The following CSMD1 variants were observed in gnomAD, a reference collection of about 807,000 sequenced individuals.
CSMD1 encodes CUB and Sushi multiple domains 1.
CSMD1 carries 213 observed loss-of-function variants against 417.5 expected under a neutral mutation model. The observed-to-expected ratio is 0.51, with a 90% CI of 0.46 to 0.57. The LOEUF is 0.57. CSMD1 is among the 20% of genes least tolerant of loss of function. The pLI is 0.00. For synonymous variants in CSMD1, 2,862 were observed against 1,736.8 expected, an observed-to-expected ratio of 1.65 and a Z score of -16.11; for missense variants, 6,923 against 4,529.7, an observed-to-expected ratio of 1.53 and a Z score of -15.17.
At chr8:4,982,874 G>C (rs1217870021) in intron 1 of CSMD1, among the ~76,000 whole-genome samples, 1 of 152,134 alleles carries the variant, frequency 6.6e-6, no homozygotes, top group African/African-American at 2.4e-5. Flanking sequence ...ATGCAGGAAA[G>C]GTAATTTTGT....
chr8:4,697,326 A>G (rs1412925420), intron 1 of CSMD1, among the ~76,000 whole-genome samples: 1 of 152,126 alleles, frequency 6.6e-6, no homozygotes, highest in Non-Finnish European at 1.5e-5. Flanking sequence ...TGCCCTTCTC[A>G]CCAAAAGTTG....
chr8:3,796,594 T>C (rs990458213), intron 5 of CSMD1, among the ~76,000 whole-genome samples: 2 of 147,128 alleles, frequency 1.4e-5, no homozygotes, highest in East Asian at 2.0e-4. Flanking sequence ...TATATAGATA[T>C]ATATCTATAA....
At chr8:4,435,974 C>G (rs890953496) in intron 2 of CSMD1, among the ~76,000 whole-genome samples, 1 of 152,160 alleles carries the variant, frequency 6.6e-6, no homozygotes, top group Non-Finnish European at 1.5e-5. Context: ...ACATCACCAT[C>G]TACTTTTCTG....
chr8:4,831,430 T>G (rs1354754136), intron 1 of CSMD1, among the ~76,000 whole-genome samples: 1 of 152,328 alleles, frequency 6.6e-6, no homozygotes, highest in African/African-American at 2.4e-5. Context: ...CAAATATCCA[T>G]ATGCATTATG....
At chr8:4,475,118 G>A (rs1800730526) in intron 2 of CSMD1, among the ~76,000 whole-genome samples, 1 of 152,064 alleles carries the variant, frequency 6.6e-6, no homozygotes, top group Non-Finnish European at 1.5e-5. Flanking sequence ...TGTGTTTTAG[G>A]ATGCTTTATT....
At chr8:3,925,043 C>A (rs553910998) in intron 5 of CSMD1, among the ~76,000 whole-genome samples, 1 of 152,274 alleles carries the variant, frequency 6.6e-6, no homozygotes, top group African/African-American at 2.4e-5. Flanking sequence ...CCTAGAGATA[C>A]TGTGGGTCTC....
intron 26 of CSMD1, among the ~76,000 whole-genome samples, chr8:3,258,119 G>T (rs1173249629): frequency 6.6e-6 from 1 of 152,080 alleles, no homozygotes; most frequent in Non-Finnish European, 1.5e-5. Flanking sequence ...CTGCATGTGG[G>T]ATATGAAAGA....
chr8:4,751,523 G>T (rs976912121), intron 1 of CSMD1, among the ~76,000 whole-genome samples: 2 of 152,108 alleles, frequency 1.3e-5, no homozygotes, highest in African/African-American at 4.8e-5. Context: ...ACTTTCTAAA[G>T]TTATTTTATC....
Position 4,005,283 on chromosome 8 carries a change from G to T in CSMD1, c.611-7173C>A, listed in dbSNP as rs1049536755. On this transcript the variant is annotated intron_variant, in intron 4 of 69. Coordinates refer to ENST00000635120, the MANE Select transcript of CSMD1 (RefSeq NM_033225.6). Reference sequence around the variant, plus strand: ...ACCATCTACACCCCAATAACTTATAGAAAATAAAATAAAATAATAAAAAAA... The same window carrying T: ...ACCATCTACACCCCAATAACTTATATAAAATAAAATAAAATAATAAAAAAA... Among the ~76,000 whole-genome samples the T allele has an allele frequency of 4.8e-4, 73 of 152,066 alleles. 1 individual carries two copies. Among genetic ancestry groups the T allele is most frequent in the African/African-American group, 1.6e-3 (66 of 41,402 alleles).
intron 7 of CSMD1, among the ~76,000 whole-genome samples, chr8:3,638,129 T>C (rs773172462): frequency 1.3e-5 from 2 of 152,178 alleles, no homozygotes; most frequent in African/African-American, 2.4e-5. Context: ...AGGTTGAGTC[T>C]TAAACGTAAG....
At chr8:3,980,935 C>T (rs1813814878) in intron 5 of CSMD1, among the ~76,000 whole-genome samples, 1 of 152,136 alleles carries the variant, frequency 6.6e-6, no homozygotes, top group African/African-American at 2.4e-5. Flanking sequence ...TCCCGCCGTT[C>T]CCAGTGGTTT....
chr8:3,866,226 G>C (rs1180655825), intron 5 of CSMD1, among the ~76,000 whole-genome samples: 1 of 152,042 alleles, frequency 6.6e-6, no homozygotes, highest in Non-Finnish European at 1.5e-5. Context: ...TTCTAGTTTT[G>C]TTGCCACAGA....
At chr8:4,366,401 G>C (rs1357833557) in intron 3 of CSMD1, among the ~76,000 whole-genome samples, 1 of 152,138 alleles carries the variant, frequency 6.6e-6, no homozygotes, top group Non-Finnish European at 1.5e-5. Flanking sequence ...ATGCATGCAC[G>C]TGTCTTTTTG....
intron 25 of CSMD1, among the ~76,000 whole-genome samples, chr8:3,293,594 T>C (rs954442619): frequency 6.6e-6 from 1 of 152,220 alleles, no homozygotes; most frequent in African/African-American, 2.4e-5. Context: ...CCATCACTGA[T>C]ACCTTGTCTT....
intron 49 of CSMD1, among the ~76,000 whole-genome samples, chr8:3,082,245 A>G (rs1455299512): frequency 6.6e-6 from 1 of 152,236 alleles, no homozygotes; most frequent in Non-Finnish European, 1.5e-5. Context: ...TGCCACGGAA[A>G]GATCAAGCTT....
intron 5 of CSMD1, among the ~76,000 whole-genome samples, chr8:3,789,563 C>G (rs1585001124): frequency 6.6e-6 from 1 of 150,676 alleles, no homozygotes; most frequent in South Asian, 2.1e-4. Flanking sequence ...GTAATATATT[C>G]ACTCACTTGC....
intron 1 of CSMD1, among the ~76,000 whole-genome samples, chr8:4,751,101 C>A (rs1015252698): frequency 6.6e-6 from 1 of 152,182 alleles, no homozygotes; most frequent in Non-Finnish European, 1.5e-5. Context: ...GAGAGCATGT[C>A]TGCCTGGGAG....
intron 7 of CSMD1, among the ~76,000 whole-genome samples, chr8:3,704,209 C>A (rs1036469554): frequency 6.6e-6 from 1 of 152,172 alleles, no homozygotes; most frequent in Admixed American, 6.5e-5. Context: ...TGAAAAATCA[C>A]AGCTACAGGC....
At chr8:3,093,409 G>A (rs1051550263) in intron 47 of CSMD1, among the ~76,000 whole-genome samples, 2 of 152,200 alleles carry the variant, frequency 1.3e-5, no homozygotes, top group Non-Finnish European at 2.9e-5. Context: ...GCTCACACCT[G>A]TAATCCCAGC....
Sources: allele counts gnomAD v4.1 joint callset (sites outside exome capture counted in the v4.1 genomes callset), GRCh38; gene constraint gnomAD v4.1.1; transcripts MANE v1.5; gene names NCBI Gene and HGNC (gene_info 2026-07-23, HGNC 2026-07-21).